Variants in HDAC8 observed in about 807,000 individuals in gnomAD.
HDAC8 encodes histone deacetylase-like 1.
HDAC8 carries 1 observed loss-of-function variant against 32.2 expected under a neutral mutation model. The ratio of observed to expected loss-of-function variants is 0.03; its 90% CI spans 0.01 to 0.15. HDAC8 has a LOEUF of 0.15. HDAC8 is among the 10% of genes least tolerant of loss of function. The pLI, the probability that HDAC8 is intolerant of heterozygous loss-of-function variation, is 1.00. For missense variants in HDAC8, 117 were observed against 300.0 expected, an observed-to-expected ratio of 0.39 and a Z score of 4.51; for synonymous variants, 108 against 113.9, an observed-to-expected ratio of 0.95 and a Z score of 0.33.
intron 4 of HDAC8, among the ~76,000 whole-genome samples, chrX:72,559,100 C>G (rs1387374527): frequency 1.2e-5 from 1 of 82,953 alleles, no homozygotes; most frequent in Admixed American, 1.4e-4. Context: ...CCTCTCTCTC[C>G]ACGGTCTCCC....
At chrX:72,480,716 T>C (rs1310963826) in intron 7 of HDAC8, among the ~76,000 whole-genome samples, 1 of 112,152 alleles carries the variant, frequency 8.9e-6, no homozygotes, top group Non-Finnish European at 1.9e-5. Context: ...TGGAATACTA[T>C]GCAGCCATAA....
intron 9 of HDAC8, among the ~76,000 whole-genome samples, chrX:72,362,787 T>C (rs782205450): frequency 8.9e-6 from 1 of 112,293 alleles, no homozygotes; most frequent in East Asian, 2.8e-4. Context: ...CCATTTAGAC[T>C]GAATGAGGGT....
At chrX:72,566,726 TA>T (rs1213595353) in intron 4 of HDAC8, among the ~76,000 whole-genome samples, 2 of 112,123 alleles carry the variant, frequency 1.8e-5, no homozygotes, top group African/African-American at 6.5e-5. Flanking sequence ...ATTCAGAGTT[TA>T]AAAAATCCTT....
chrX:72,354,513 T>C (rs2030399782), intron 9 of HDAC8, among the ~76,000 whole-genome samples: 1 of 112,561 alleles, frequency 8.9e-6, no homozygotes, highest in African/African-American at 3.2e-5. Flanking sequence ...ATATAGCTAA[T>C]TGTGTGAAAT....
At chrX:72,364,645 G>GT (rs1328485434) in intron 9 of HDAC8, among the ~76,000 whole-genome samples, 2 of 111,359 alleles carry the variant, frequency 1.8e-5, no homozygotes, top group African/African-American at 6.5e-5. Context: ...TTTATGCTTT[G>GT]TTTAGAGGCA....
At chrX:72,556,664 T>C (rs1181222539) in intron 4 of HDAC8, among the ~76,000 whole-genome samples, 2 of 111,955 alleles carry the variant, frequency 1.8e-5, no homozygotes, top group Non-Finnish European at 3.8e-5. Flanking sequence ...AAGAGGGACA[T>C]TATATAATGA....
intron 4 of HDAC8, among the ~76,000 whole-genome samples, chrX:72,559,493 C>A (rs1448697039): frequency 4.1e-4 from 46 of 111,995 alleles, no homozygotes; most frequent in African/African-American, 1.4e-3. Context: ...GGCCGCCACC[C>A]CGTCTGGGAA....
chrX:72,559,339 C>T (rs1387167418), intron 4 of HDAC8, among the ~76,000 whole-genome samples: 3 of 109,634 alleles, frequency 2.7e-5, no homozygotes, highest in Non-Finnish European at 3.8e-5. Context: ...CCCGAGGTGC[C>T]GGGATTGCAG....
chrX:72,483,506 A>G (rs1415378032), intron 7 of HDAC8, among the ~76,000 whole-genome samples: 1 of 111,744 alleles, frequency 8.9e-6, no homozygotes, highest in Admixed American at 9.5e-5. Flanking sequence ...CCTCACCAGA[A>G]GCTGAGCAGA....
At chrX:72,360,095 G>A (rs2044503368) in intron 9 of HDAC8, among the ~76,000 whole-genome samples, 1 of 107,426 alleles carries the variant, frequency 9.3e-6, no homozygotes, top group African/African-American at 3.4e-5. Context: ...GGTGGCTCAC[G>A]CCTGTAATCC....
chrX:72,523,874 G>A (rs2050055458), intron 4 of HDAC8, among the ~76,000 whole-genome samples: 1 of 111,467 alleles, frequency 9.0e-6, no homozygotes, highest in South Asian at 3.9e-4. Flanking sequence ...CTTATCCAAG[G>A]TCACAAAGTT....
intron 4 of HDAC8, among the ~76,000 whole-genome samples, chrX:72,538,506 C>T (rs1168011753): frequency 9.0e-6 from 1 of 111,484 alleles, no homozygotes; most frequent in Non-Finnish European, 1.9e-5. Context: ...TATTTAAACA[C>T]TGACACTGAA....
At chrX:72,534,454 G>A (rs1464709925) in intron 4 of HDAC8, among the ~76,000 whole-genome samples, 2 of 108,755 alleles carry the variant, frequency 1.8e-5, no homozygotes, top group Non-Finnish European at 3.8e-5. Flanking sequence ...GACTATAGGC[G>A]CGCATCACCA....
At chrX:72,527,507 T>C (rs950461316) in intron 4 of HDAC8, among the ~76,000 whole-genome samples, 13 of 111,868 alleles carry the variant, frequency 1.2e-4, no homozygotes, top group Admixed American at 5.7e-4. Flanking sequence ...GACAGTGTCA[T>C]TGTGGTCTAT....
At chrX:72,551,421 T>C (rs1354956186) in intron 4 of HDAC8, among the ~76,000 whole-genome samples, 3 of 112,153 alleles carry the variant, frequency 2.7e-5, no homozygotes, top group African/African-American at 9.7e-5. Flanking sequence ...AATTAGTGCA[T>C]TGTTATATCT....
intron 4 of HDAC8, among the ~76,000 whole-genome samples, chrX:72,513,077 C>G (rs1381330715): frequency 8.9e-6 from 1 of 111,778 alleles, no homozygotes; most frequent in Non-Finnish European, 1.9e-5. Flanking sequence ...CTTTAAGATA[C>G]AGCTGTGAAG....
chrX:72,427,307 T>C (rs1417594700), intron 9 of HDAC8, among the ~76,000 whole-genome samples: 2 of 110,884 alleles, frequency 1.8e-5, no homozygotes, highest in South Asian at 3.9e-4. Flanking sequence ...CGTATGTTTA[T>C]TGCAGCACTA....
At chrX:72,418,895 C>A (rs1555972659) in intron 9 of HDAC8, among the ~76,000 whole-genome samples, 2 of 111,036 alleles carry the variant, frequency 1.8e-5, no homozygotes, top group African/African-American at 6.5e-5. Flanking sequence ...AGAGATGATT[C>A]CTTCCCCATT....
At chrX:72,395,048 G>C (rs1249471344) in intron 9 of HDAC8, among the ~76,000 whole-genome samples, 1 of 111,095 alleles carries the variant, frequency 9.0e-6, no homozygotes, top group Non-Finnish European at 1.9e-5. Context: ...CTTTAAAAAA[G>C]GAGTTCCTCA....
Sources: gnomAD v4.1 joint callset for allele counts (sites outside exome capture counted in the v4.1 genomes callset) on GRCh38, gnomAD v4.1.1 for gene constraint, MANE v1.5 for transcripts, NCBI Gene and HGNC (gene_info 2026-07-23, HGNC 2026-07-21) for gene names.